Variants in ANK3 observed in about 807,000 individuals in gnomAD.
ANK3 encodes ankyrin-3.
ANK3 carries 57 observed loss-of-function variants against 370.9 expected under a neutral mutation model. That is an observed-to-expected ratio of 0.15 (90% CI 0.12 to 0.19). The LOEUF is 0.19. Ranked by LOEUF, ANK3 falls within the 10% of genes least tolerant of loss-of-function variation. The probability of loss-of-function intolerance (pLI) is 1.00; values close to 1 mark genes in which losing one functional copy is unlikely to be tolerated. For missense variants in ANK3, 4,439 were observed against 5,302.1 expected, an observed-to-expected ratio of 0.84 and a Z score of 5.06; for synonymous variants, 1,929 against 1,946.3, an observed-to-expected ratio of 0.99 and a Z score of 0.23.
intron 1 of ANK3, among the ~76,000 whole-genome samples, chr10:60,331,711 A>G (rs1029505394): frequency 6.6e-6 from 1 of 152,066 alleles, no homozygotes; most frequent in African/African-American, 2.4e-5. Context: ...TTTGACAAAC[A>G]CACTGTCCTT....
chr10:60,582,608 C>A (rs1482965390), intron 2 of ANK3, among the ~76,000 whole-genome samples: 1 of 151,134 alleles, frequency 6.6e-6, no homozygotes, highest in Non-Finnish European at 1.5e-5. Flanking sequence ...TCTGGACAAG[C>A]CACAGCCTTT....
At chr10:60,730,607 C>G (rs190494592) in intron 1 of ANK3, among the ~76,000 whole-genome samples, 1 of 152,086 alleles carries the variant, frequency 6.6e-6, no homozygotes, top group Non-Finnish European at 1.5e-5. Flanking sequence ...TTTCACATGT[C>G]GACAAAGGAT....
chr10:60,317,902 G>C (rs1319671055), intron 1 of ANK3, among the ~76,000 whole-genome samples: 1 of 151,822 alleles, frequency 6.6e-6, no homozygotes, highest in Non-Finnish European at 1.5e-5. Flanking sequence ...TTTTTTAGTA[G>C]AGACGGGGTT....
intron 1 of ANK3, among the ~76,000 whole-genome samples, chr10:60,693,762 T>A (rs1394322955): frequency 1.3e-5 from 2 of 151,984 alleles, no homozygotes; most frequent in South Asian, 2.1e-4. Context: ...ATCACCATCA[T>A]CAAAGACCAA....
At chr10:60,679,884 C>G (rs1466912126) in intron 1 of ANK3, among the ~76,000 whole-genome samples, 2 of 151,962 alleles carry the variant, frequency 1.3e-5, no homozygotes, top group African/African-American at 4.8e-5. Flanking sequence ...GCATGTAATC[C>G]CAGCACTTTG....
chr10:60,261,252 C>A (rs1052971866), intron 7 of ANK3, among the ~76,000 whole-genome samples: 3 of 152,172 alleles, frequency 2.0e-5, no homozygotes, highest in Admixed American at 2.0e-4. Context: ...AAGCTGAACA[C>A]CAGTTTTTAA....
intron 23 of ANK3, among the ~76,000 whole-genome samples, chr10:60,163,107 T>TCTTC (rs959766859): frequency 1.3e-5 from 2 of 152,098 alleles, no homozygotes; most frequent in South Asian, 2.1e-4. Flanking sequence ...TTCTCTTTCT[T>TCTTC]CTTCCTTCCT....
intron 23 of ANK3, among the ~76,000 whole-genome samples, chr10:60,164,907 AT>A (rs1295825533): frequency 2.6e-5 from 4 of 152,224 alleles, no homozygotes; most frequent in Non-Finnish European, 4.4e-5. Context: ...AGGGCCAAAG[AT>A]TTTAAAGAAA....
At chr10:60,458,481 A>G (rs905473933) in intron 2 of ANK3, among the ~76,000 whole-genome samples, 2 of 152,138 alleles carry the variant, frequency 1.3e-5, no homozygotes, top group Non-Finnish European at 2.9e-5. Flanking sequence ...ACAGGCAAAT[A>G]CCAGCTGATT....
At chr10:60,100,063 A>T (rs939029563) in intron 28 of ANK3, among the ~76,000 whole-genome samples, 1 of 152,014 alleles carries the variant, frequency 6.6e-6, no homozygotes, top group Non-Finnish European at 1.5e-5. Context: ...GTCCTTATTA[A>T]TGCTTATTTG....
chr10:60,717,810 G>A (rs1052782199), intron 1 of ANK3, among the ~76,000 whole-genome samples: 1 of 152,186 alleles, frequency 6.6e-6, no homozygotes, highest in African/African-American at 2.4e-5. Context: ...AAATTGGTGA[G>A]ATTTGCATCA....
intron 2 of ANK3, among the ~76,000 whole-genome samples, chr10:60,432,165 C>A (rs2064041550): frequency 1.3e-5 from 2 of 152,208 alleles, no homozygotes; most frequent in South Asian, 4.1e-4. Flanking sequence ...GTCAGAATAA[C>A]TGTTCCTTCT....
chr10:60,093,018 G>A (rs541479493), intron 28 of ANK3, among the ~76,000 whole-genome samples: 62 of 152,334 alleles, frequency 4.1e-4, no homozygotes, highest in African/African-American at 1.5e-3. Context: ...TTACAGGTGT[G>A]AGCCACTGCA....
intron 1 of ANK3, among the ~76,000 whole-genome samples, chr10:60,673,521 T>G (rs1160344504): frequency 3.3e-5 from 5 of 152,068 alleles, no homozygotes; most frequent in Admixed American, 3.3e-4. Flanking sequence ...TAGCTAATTT[T>G]TTGTATTTTT....
chr10:60,270,262 G>C, intron 4 of ANK3, 33 bp from the exon 5 acceptor site: 2 of 1,469,388 alleles, frequency 1.4e-6, no homozygotes, highest in Non-Finnish European at 1.9e-6. Flanking sequence ...TTTGTCTGCA[G>C]CTTTCCAGAG....
At chr10:60,178,499 T>G (rs1329415176) in intron 18 of ANK3, among the ~76,000 whole-genome samples, 2 of 152,166 alleles carry the variant, frequency 1.3e-5, no homozygotes. Flanking sequence ...GTACCCGGCA[T>G]AGAGAAAATG....
At chr10:60,140,918 C>T in intron 23 of ANK3, 1 of 985,704 alleles carries the variant, frequency 1.0e-6, no homozygotes, top group Non-Finnish European at 1.2e-6. Context: ...AAGAAACAGC[C>T]AACCCAGGTA....
intron 7 of ANK3, among the ~76,000 whole-genome samples, chr10:60,249,939 T>C (rs539758293): frequency 6.6e-6 from 1 of 152,260 alleles, no homozygotes; most frequent in Non-Finnish European, 1.5e-5. Context: ...TTATTCTTAG[T>C]AGGGCCCAAG....
chr10:60,052,951 C>T (rs926782806), intron 42 of ANK3, among the ~76,000 whole-genome samples: 38 of 152,022 alleles, frequency 2.5e-4, no homozygotes, highest in African/African-American at 9.2e-4. Flanking sequence ...GTAAACTTGA[C>T]AAGTATTTTA....
Sources: allele counts gnomAD v4.1 joint callset (sites outside exome capture counted in the v4.1 genomes callset), GRCh38; gene constraint gnomAD v4.1.1; transcripts MANE v1.5; gene names NCBI Gene and HGNC (gene_info 2026-07-23, HGNC 2026-07-21).